F5: variants seen among roughly 807,000 people sequenced by gnomAD.
F5 encodes coagulation factor V.
In F5, 138 loss-of-function variants were observed where a neutral mutation model predicts 216.4. The observed-to-expected ratio is 0.64, with a 90% confidence interval of 0.56 to 0.73. F5 has a LOEUF of 0.73. Ranked by LOEUF, F5 falls within the 30% of genes least tolerant of loss-of-function variation. F5 has a pLI of 0.00. For missense variants in F5, 2,403 were observed against 2,674.0 expected, an observed-to-expected ratio of 0.90 and a Z score of 2.24; for synonymous variants, 916 against 930.7, an observed-to-expected ratio of 0.98 and a Z score of 0.29.
rs199601865 is a variant in F5 at position 169,515,571 on chromosome 1, G to A, written c.6401C>T (p.Thr2134Met). The change falls in exon 24 of 25, where the codon ACG (threonine) becomes ATG (methionine). Residue 2134 changes from threonine (T) to methionine (M), a missense_variant. Transcript: ENST00000367797. ...EIDLLKIKKI[T>M]AIITQGCKSL... The stretch of plus-strand genomic sequence containing the variant: ...CTTGCAGCCCTGTGTTATAATTGCC[G>A]TTATCTTCTTGATCTTGAGTAGATC... 252 of 1,613,132 alleles carry A rather than the reference G, an allele frequency of 1.6e-4. No homozygotes were observed. The highest frequency in any genetic ancestry group is 1.4e-4 in the Non-Finnish European group (168 of 1,179,618).
chr1:169,530,950 CT>C lies in F5; in HGVS notation c.5043del (p.Glu1682ArgfsTer53). The C allele has an allele frequency of 1.9e-6, 3 of 1,613,852 alleles. No individual in the cohort carries two copies. Among genetic ancestry groups the C allele is most frequent in the Non-Finnish European group, 2.5e-6 (3 of 1,179,828 alleles). ...GAGTCATCTTCATAAGTCTTTCCCT[CT>C]GATGATTTTTCATAGGAAAGTCCAT... Reference protein sequence around the residue: ...HAHGLSYEKSSEGKTYEDDSP... With the variant: ...HAHGLSYEKSXEGKTYEDDSP... On this transcript the variant is annotated frameshift_variant, in exon 15 of 25. Coordinates refer to ENST00000367797, the MANE Select transcript of F5 (RefSeq NM_000130.5). LOFTEE classifies it high-confidence loss of function.
chr1:169,556,590 G>A lies in F5; in HGVS notation c.952+56C>T, dbSNP rs1660336118. The A allele has an allele frequency of 9.0e-6, 14 of 1,551,588 alleles. No individual in the cohort carries two copies. The South Asian group carries it at 1.3e-4, about 15-fold the overall frequency. On this transcript the variant is annotated intron_variant, in intron 6 of 24. Coordinates refer to ENST00000367797, the MANE Select transcript of F5 (RefSeq NM_000130.5). ...GGCAAGGGAGAAAGAGGGAGTTAGTGCATGGGAAGAAAGGATTCTGCATTG... is the reference window on the plus strand; with the variant it reads ...GGCAAGGGAGAAAGAGGGAGTTAGTACATGGGAAGAAAGGATTCTGCATTG...
rs61568675 is a variant in F5, at chr1:169,556,425, TA to T, written c.952+220del. The stretch of plus-strand genomic sequence containing the variant: ...GAGATCTCTTTAGCTTTTGCTTAAT[TA>T]AAAAAAAAAAAAAAACCTTTGCCAA... On this transcript the variant is annotated intron_variant, in intron 6 of 24. Transcript: ENST00000367797. Among the ~76,000 whole-genome samples the T allele has an allele frequency of 3.4e-4, 20 of 58,904 alleles. 1 individual carries two copies. Among genetic ancestry groups the T allele is most frequent in the Admixed American group, 1.5e-3 (6 of 3,900 alleles). 38.6% of individuals were successfully genotyped at this position (58,904 alleles called of 152,430 possible). A position where few individuals can be genotyped will look rare whatever the true frequency, so the allele number is the denominator to read the frequency against.
Position 169,514,248 on chromosome 1 carries a change from A to G in F5, c.*65T>C. 6.7e-7 allele frequency: 1 copy of G among 1,485,520 alleles called. No individual in the cohort carries two copies. Among genetic ancestry groups the G allele is most frequent in the Non-Finnish European group, 9.4e-7 (1 of 1,063,762 alleles). The allele number at this position is 1,485,520 out of a possible 1,614,324, so 92.0% of individuals were successfully genotyped here. ...TAACATTTAACACAGCGTAAAATAC[A>G]TTGCCCATTCTAAATGGTTTGAGGT... On this transcript the variant is annotated 3_prime_UTR_variant, in exon 25 of 25. Transcript: ENST00000367797.
At chr1:169,517,850 T>G (rs1439657279) in intron 23 of F5, among the ~76,000 whole-genome samples, 1 of 152,132 alleles carries the variant, frequency 6.6e-6, no homozygotes, top group Non-Finnish European at 1.5e-5. Context: ...ACATTTCATT[T>G]AGGAAAATGA....
Position 169,546,667 on chromosome 1 carries a change from A to C in F5, c.1612-75T>G. On this transcript the variant is annotated intron_variant, in intron 10 of 24. Coordinates refer to ENST00000367797, the MANE Select transcript of F5 (RefSeq NM_000130.5). The stretch of plus-strand genomic sequence containing the variant: ...AATGGAACAGAATAGAGAACTCAGA[A>C]ATAAGGCTGCGCACCTACAACTATC... The C allele has an allele frequency of 2.2e-6, 3 of 1,342,512 alleles. No individual in the cohort carries two copies. In the South Asian group the frequency reaches 3.5e-5, roughly 16 times the overall value. 83.2% of individuals were successfully genotyped at this position (1,342,512 alleles called of 1,614,324 possible). A position where few individuals can be genotyped will look rare whatever the true frequency, so the allele number is the denominator to read the frequency against.
chr1:169,524,507 C>G (rs1356371066), intron 19 of F5, among the ~76,000 whole-genome samples: 4 of 152,126 alleles, frequency 2.6e-5, no homozygotes, highest in African/African-American at 9.7e-5. Context: ...CTGATCCTTG[C>G]CAAATCCCTG....
At chr1:169,521,133 A>G (rs1372533004) in intron 21 of F5, among the ~76,000 whole-genome samples, 1 of 152,138 alleles carries the variant, frequency 6.6e-6, no homozygotes, top group African/African-American at 2.4e-5. Context: ...TATGATAGAA[A>G]ACTGGTGGAC....
Position 169,544,528 on chromosome 1 carries a change from T to A in F5, c.1763-20A>T, listed in dbSNP as rs1659954828. 1 of 1,605,128 alleles carries A rather than the reference T, an allele frequency of 6.2e-7. No homozygotes were observed. Among genetic ancestry groups the A allele is most frequent in the Admixed American group, 1.7e-5 (1 of 59,808 alleles). On this transcript the variant is annotated intron_variant, in intron 11 of 24. Coordinates refer to ENST00000367797, the MANE Select transcript of F5 (RefSeq NM_000130.5). ...TGATAGCTGAAAGTGTAAAATCTGT[T>A]AAAATTCCAAGTCTATGCCAACAAA... is the stretch of plus-strand genomic sequence containing the variant.
At chr1:169,561,277 T>G (rs1051580155) in intron 3 of F5, among the ~76,000 whole-genome samples, 1 of 98,878 alleles carries the variant, frequency 1.0e-5, no homozygotes, top group Non-Finnish European at 1.8e-5. Context: ...CATCTGATTA[T>G]CTCAATTTTT....
At position 169,586,391 on chromosome 1, in the gene F5, C is replaced by G. The variant is rs747787671; in HGVS notation, c.-5G>C. 5.0e-6 allele frequency: 8 copies of G among 1,612,160 alleles called. No homozygotes were observed. Among genetic ancestry groups the G allele is most frequent in the Non-Finnish European group, 5.9e-6 (7 of 1,179,782 alleles). Reference sequence around the variant, plus strand: ...GCGTGGGCAGCCTGGGAACATGCTTCCTTTCCTGCTCCCGCTGGCTGCCAC... The same window carrying G: ...GCGTGGGCAGCCTGGGAACATGCTTGCTTTCCTGCTCCCGCTGGCTGCCAC... On this transcript the variant is annotated 5_prime_UTR_variant, in exon 1 of 25. Transcript: ENST00000367797.
chr1:169,520,163 G>A (rs965429046), intron 22 of F5, among the ~76,000 whole-genome samples: 1 of 152,204 alleles, frequency 6.6e-6, no homozygotes, highest in Non-Finnish European at 1.5e-5. Flanking sequence ...TGACATTGAA[G>A]TTTGAGTGAC....
intron 14 of F5, among the ~76,000 whole-genome samples, chr1:169,535,708 T>C (rs1051440058): frequency 6.6e-6 from 1 of 152,284 alleles, no homozygotes; most frequent in East Asian, 1.9e-4. Context: ...TGAAAAAGGA[T>C]CCCCTAATCA....
intron 23 of F5, among the ~76,000 whole-genome samples, chr1:169,516,536 G>A (rs556499257): frequency 9.2e-5 from 14 of 152,262 alleles, no homozygotes; most frequent in African/African-American, 3.1e-4. Context: ...TATTTTAAAA[G>A]CAAATTAACT....
intron 3 of F5, among the ~76,000 whole-genome samples, chr1:169,568,991 T>C (rs907767696): frequency 4.6e-5 from 7 of 152,132 alleles, no homozygotes; most frequent in Admixed American, 3.3e-4. Context: ...ATGTAGGCAA[T>C]GGGCGAATCA....
In F5 at chr1:169,526,924, T is replaced by C. The variant is rs532599936; in HGVS notation, c.5600-907A>G. Among the ~76,000 whole-genome samples the C allele has an allele frequency of 2.0e-3, 298 of 151,936 alleles. 2 individuals carry two copies. Among genetic ancestry groups the C allele is most frequent in the African/African-American group, 6.9e-3 (287 of 41,500 alleles). On this transcript the variant is annotated intron_variant, in intron 17 of 24. Transcript: ENST00000367797. Reference sequence around the variant, plus strand: ...TATAATACAATTAATACTCTCTAGATGTATTAGTGAGTTACTGGCATGTGA... The same window carrying C: ...TATAATACAATTAATACTCTCTAGACGTATTAGTGAGTTACTGGCATGTGA...
chr1:169,528,933 T>G (rs559480109), intron 16 of F5, among the ~76,000 whole-genome samples: 1 of 152,204 alleles, frequency 6.6e-6, no homozygotes, highest in African/African-American at 2.4e-5. Flanking sequence ...ATCCTTCAAA[T>G]TATATCAGGC....
At chr1:169,581,816 T>G (rs887574221) in intron 2 of F5, among the ~76,000 whole-genome samples, 12 of 145,804 alleles carry the variant, frequency 8.2e-5, no homozygotes, top group African/African-American at 2.9e-4. Flanking sequence ...ATTATGGCTA[T>G]TGTATATATC....
rs377129115 is a variant in F5, at chr1:169,544,303, A to T, written c.1968T>A (p.Asp656Glu). 1.7e-5 allele frequency: 28 copies of T among 1,613,670 alleles called. No homozygotes were observed. The African/African-American group carries it at 3.6e-4, about 21-fold the overall frequency. The change falls in exon 12 of 25, where the codon GAT becomes GAA. Residue 656 changes from aspartate to glutamate, a missense_variant. Physicochemically the swap from Asp to Glu is conservative, Grantham distance 45. Transcript: ENST00000367797. ...MRGESVTVTM[D>E]NVGTWMLTSM... ...GTCCAGACTCTTACTCACCAACATT[A>T]TCCATTGTGACCGTCACAGATTCTC...
Sources: gnomAD v4.1 joint callset for allele counts (sites outside exome capture counted in the v4.1 genomes callset) on GRCh38, gnomAD v4.1.1 for gene constraint, MANE v1.5 for transcripts, NCBI Gene and HGNC (gene_info 2026-07-23, HGNC 2026-07-21) for gene names.